PLIN5: variants seen among roughly 807,000 people sequenced by gnomAD.
The protein encoded by PLIN5 is perilipin-5.
PLIN5 carries 34 observed loss-of-function variants against 32.8 expected under a neutral mutation model. The observed-to-expected ratio is 1.04, with a 90% CI of 0.79 to 1.38. The LOEUF is 1.38. PLIN5 is among the 40% of genes most tolerant of loss of function. PLIN5 has a pLI of 0.00. For synonymous variants in PLIN5, 309 were observed against 292.9 expected, an observed-to-expected ratio of 1.05 and a Z score of -0.56; for missense variants, 712 against 660.5, an observed-to-expected ratio of 1.08 and a Z score of -0.85.
At chr19:4,527,752 G>A (rs79439596) in intron 5 of PLIN5, among the ~76,000 whole-genome samples, 37 of 151,360 alleles carry the variant, frequency 2.4e-4, no homozygotes, top group African/African-American at 7.8e-4. Flanking sequence ...GGCTGAGGCC[G>A]GAGAATCGCT....
intron 2 of PLIN5, among the ~76,000 whole-genome samples, chr19:4,532,111 C>T (rs1279857357): frequency 6.6e-6 from 1 of 152,196 alleles, no homozygotes; most frequent in Non-Finnish European, 1.5e-5. Flanking sequence ...CATCTCGGCT[C>T]ACGGCAACCT....
intron 2 of PLIN5, chr19:4,533,765 G>A: frequency 1.7e-6 from 1 of 572,076 alleles, no homozygotes; most frequent in Non-Finnish European, 3.1e-6. Context: ...AGGGATCAAA[G>A]GAGAGGGAAA....
At chr19:4,528,215 C>T (rs2145325794) in intron 5 of PLIN5, among the ~76,000 whole-genome samples, 1 of 152,182 alleles carries the variant, frequency 6.6e-6, no homozygotes, top group Middle Eastern at 3.4e-3. Flanking sequence ...GGCCGCCTCC[C>T]TGCTTTTCTG....
At chr19:4,529,551 T>G in intron 4 of PLIN5, 2 of 510,170 alleles carry the variant, frequency 3.9e-6, no homozygotes, top group South Asian at 6.3e-5. Flanking sequence ...TACGTATATA[T>G]ACATATATAC....
chr19:4,523,962 GCA>G lies in PLIN5; in HGVS notation c.956_957del (p.Val319AlafsTer13), dbSNP rs1568242791. On this transcript the variant is annotated frameshift_variant, in exon 8 of 8. Coordinates refer to ENST00000381848, the MANE Select transcript of PLIN5 (RefSeq NM_001013706.3). LOFTEE classifies it low-confidence loss of function (END_TRUNC). This position sits in a 1 kb window ranked among gnomAD's most constrained non-coding sequence, Gnocchi z 5.0. ...PAGAQEKVAEVRRSVDALQTA... is the reference protein window; with the variant it reads ...PAGAQEKVAEXRRSVDALQTA... ...GTCTGCAGGGCATCCACACTGCGCC[GCA>G]CCTCAGCCACCTTCTCCTGGGCGCC... is the stretch of plus-strand genomic sequence containing the variant. 6.5e-7 allele frequency: 1 copy of G among 1,527,884 alleles called. No homozygotes were observed. Among genetic ancestry groups the G allele is most frequent in the South Asian group, 1.2e-5 (1 of 82,658 alleles). 94.6% of individuals were successfully genotyped at this position (1,527,884 alleles called of 1,614,324 possible). A position where few individuals can be genotyped will look rare whatever the true frequency, so the allele number is the denominator to read the frequency against.
Position 4,531,801 on chromosome 19 carries a change from C to G in PLIN5, c.82G>C (p.Ala28Pro). Residue 28 changes from alanine to proline, a missense_variant, in exon 3 of 8, where the codon GCT becomes CCT. By Grantham distance (27) the Ala-to-Pro change is conservative. Coordinates refer to ENST00000381848, the MANE Select transcript of PLIN5 (RefSeq NM_001013706.3). The part of the protein sequence containing the change: ...DQQNVVQRVV[A>P]LPLVRATCTA... The stretch of plus-strand genomic sequence containing the variant: ...CACGTGGCCCTGACCAGGGGCAGAG[C>G]CACCACACGCTGCACCACGTTCTGC... The G allele has an allele frequency of 1.3e-6, 2 of 1,573,900 alleles. No homozygotes were observed. Among genetic ancestry groups the G allele is most frequent in the Non-Finnish European group, 1.7e-6 (2 of 1,160,186 alleles).
Position 4,529,139 on chromosome 19 carries a change from C to G in PLIN5, c.454G>C (p.Asp152His). The G allele has an allele frequency of 6.2e-7, 1 of 1,613,494 alleles. No homozygotes were observed. Among genetic ancestry groups the G allele is most frequent in the Non-Finnish European group, 8.5e-7 (1 of 1,179,996 alleles). Residue 152 changes from aspartate to histidine, a missense_variant, in exon 5 of 8, where the codon GAT (aspartate) becomes CAT (histidine). Asp to His is a moderately conservative substitution (Grantham distance 81, BLOSUM62 -1). Transcript: ENST00000381848. ...TCCTCTGATTTTTCCAGTACAACATCCACAGCATGGCTCACGGAGCGCTTC... is the reference window on the plus strand; with the variant it reads ...TCCTCTGATTTTTCCAGTACAACATGCACAGCATGGCTCACGGAGCGCTTC... ...ELKRSVSHAV[D>H]VVLEKSEELV...
chr19:4,527,788 T>C (rs1179084514), intron 5 of PLIN5, among the ~76,000 whole-genome samples: 1 of 151,338 alleles, frequency 6.6e-6, no homozygotes, highest in African/African-American at 2.4e-5. Flanking sequence ...GAGGCTGTAG[T>C]GAGCTGAGAT....
Position 4,526,194 on chromosome 19 carries a change from C to T in PLIN5, c.521-362G>A, listed in dbSNP as rs73920837. ...TCCAAGAAGCAGACCCAGATTGGAA[C>T]CCAGGCACGTTGGTCCCAAACTGCT... On this transcript the variant is annotated intron_variant, in intron 5 of 7. Coordinates refer to ENST00000381848, the MANE Select transcript of PLIN5 (RefSeq NM_001013706.3). 7.2e-3 allele frequency among the ~76,000 whole-genome samples: 1,093 copies of T among 152,192 alleles called. 10 individuals are homozygous for T. Among genetic ancestry groups the T allele is most frequent in the African/African-American group, 0.024 (979 of 41,528 alleles).
At chr19:4,534,915 G>T (rs776003673) in intron 1 of PLIN5, among the ~76,000 whole-genome samples, 9 of 152,308 alleles carry the variant, frequency 5.9e-5, no homozygotes, top group East Asian at 1.9e-4. Context: ...AGAGTTACAG[G>T]GGGGGAGCTC....
intron 5 of PLIN5, 155 bp downstream of exon 5, chr19:4,528,918 G>A (rs1976841818): frequency 1.3e-6 from 1 of 772,106 alleles, no homozygotes; most frequent in South Asian, 2.1e-5. Context: ...GGCCGTGGAA[G>A]TGACCGGGAG....
chr19:4,531,644 T>C lies in PLIN5; in HGVS notation c.239A>G (p.Glu80Gly). ...GCACTCACGCTGGGGCTGCAGGTGC[T>C]CGAGCAGCGGCTGGGCGTGGTCCAG... ...RALDHAQPLL[E>G]HLQPQLATMN... The change falls in exon 3 of 8, where the codon GAG becomes GGG. Residue 80 changes from glutamate (E) to glycine (G), a missense_variant. Glu to Gly is a moderately conservative substitution (Grantham distance 98). Coordinates refer to ENST00000381848, the MANE Select transcript of PLIN5 (RefSeq NM_001013706.3). 6.6e-7 allele frequency: 1 copy of C among 1,526,432 alleles called. No individual in the cohort carries two copies. Among genetic ancestry groups the C allele is most frequent in the Non-Finnish European group, 8.8e-7 (1 of 1,138,812 alleles). The allele number at this position is 1,526,432 out of a possible 1,614,324, so 94.6% of individuals were successfully genotyped here. A position where few individuals can be genotyped will look rare whatever the true frequency, so the allele number is the denominator to read the frequency against.
rs1176219746 is a variant in PLIN5, at chr19:4,527,538, CAAAAAAAAAA to C, written c.520+1525_520+1534del. 1.0e-4 allele frequency among the ~76,000 whole-genome samples: 3 copies of C among 29,682 alleles called. No homozygotes were observed. In the Admixed American group the frequency reaches 1.5e-3, roughly 14 times the overall value. The allele number at this position is 29,682 out of a possible 152,430, so 19.5% of individuals were successfully genotyped here. On this transcript the variant is annotated intron_variant, in intron 5 of 7. Coordinates refer to ENST00000381848, the MANE Select transcript of PLIN5 (RefSeq NM_001013706.3). ...TGGGCGACAGAGTGAGACTCCACTT[CAAAAAAAAAA>C]AAAAAAAAAAAAAAAAAACAACAAT...
At position 4,531,562 on chromosome 19, in the gene PLIN5, T is replaced by C. The variant is rs1406380518; in HGVS notation, c.256+65A>G. The C allele has an allele frequency of 2.2e-6, 3 of 1,365,704 alleles. No homozygotes were observed. In the African/African-American group the frequency reaches 5.4e-5, roughly 25 times the overall value. The allele number at this position is 1,365,704 out of a possible 1,614,324, so 84.6% of individuals were successfully genotyped here. A position where few individuals can be genotyped will look rare whatever the true frequency, so the allele number is the denominator to read the frequency against. On this transcript the variant is annotated intron_variant, in intron 3 of 7. Coordinates refer to ENST00000381848, the MANE Select transcript of PLIN5 (RefSeq NM_001013706.3). ...TGTCATGCAGATAGACCAAGGAGGA[T>C]GGGACAGGGGGCGGTGGGGGGGTGG...
In PLIN5 at chr19:4,529,153, A is replaced by G; in HGVS notation, c.440T>C (p.Val147Ala). ...CAGTACAACATCCACAGCATGGCTCACGGAGCGCTTCAGCTCCACGCTCCA... is the reference window on the plus strand; with the variant it reads ...CAGTACAACATCCACAGCATGGCTCGCGGAGCGCTTCAGCTCCACGCTCCA... ...RRWSVELKRS[V>A]SHAVDVVLEK... The change falls in exon 5 of 8, where the codon GTG (valine) becomes GCG (alanine). Residue 147 changes from valine (V) to alanine (A), a missense_variant. Transcript: ENST00000381848. The G allele has an allele frequency of 6.2e-7, 1 of 1,612,542 alleles. No homozygotes were observed. Among genetic ancestry groups the G allele is most frequent in the Non-Finnish European group, 8.5e-7 (1 of 1,179,274 alleles).
At chr19:4,530,424 A>G (rs1976869578) in intron 3 of PLIN5, among the ~76,000 whole-genome samples, 1 of 152,168 alleles carries the variant, frequency 6.6e-6, no homozygotes, top group Non-Finnish European at 1.5e-5. Context: ...GTCAGACTAG[A>G]GGCCAAGGAT....
chr19:4,524,126 A>G (rs758121487), intron 7 of PLIN5, 41 bp from the exon 8 acceptor site: 650 of 1,388,242 alleles, frequency 4.7e-4, no homozygotes, highest in Non-Finnish European at 5.7e-4. Flanking sequence ...ATGGACGCCC[A>G]GGAGGACTGC....
Position 4,523,570 on chromosome 19 carries a change from G to GCTGGGGGT in PLIN5, c.1342_1349dup (p.Ser450ArgfsTer11), listed in dbSNP as rs1371937093. 6.3e-7 allele frequency: 1 copy of GCTGGGGGT among 1,597,812 alleles called. No homozygotes were observed. On this transcript the variant is annotated frameshift_variant, in exon 8 of 8. Coordinates refer to ENST00000381848, the MANE Select transcript of PLIN5 (RefSeq NM_001013706.3). LOFTEE classifies it high-confidence loss of function. This position sits in a 1 kb window ranked among gnomAD's most constrained non-coding sequence, Gnocchi z 5.0. ...GCATCAGGGTGTGCTTGACCGGGCA[G>GCTGGGGGT]CTGGGGGTCTCGGGTTCCTGCTCGC...
rs1471138797 is a variant in PLIN5, at chr19:4,523,922, G to A, written c.998C>T (p.Ala333Val). The A allele has an allele frequency of 6.5e-7, 1 of 1,528,816 alleles. No individual in the cohort carries two copies. The highest frequency in any genetic ancestry group is 8.7e-7 in the Non-Finnish European group (1 of 1,146,612). The allele number at this position is 1,528,816 out of a possible 1,614,324, so 94.7% of individuals were successfully genotyped here. A position where few individuals can be genotyped will look rare whatever the true frequency, so the allele number is the denominator to read the frequency against. The change falls in exon 8 of 8, where the codon GCC becomes GTC. Residue 333 changes from alanine to valine, a missense_variant. Physicochemically the swap from Ala to Val is moderately conservative, Grantham distance 64. Coordinates refer to ENST00000381848, the MANE Select transcript of PLIN5 (RefSeq NM_001013706.3). The surrounding 1 kb of genome is among the most constrained non-coding windows in gnomAD (Gnocchi z 5.0). ...CGCTGGCACGTCCCTGAAGCAGCGG[G>A]CATCAGCGAAGGCGGTCTGCAGGGC... ...VDALQTAFAD[A>V]RCFRDVPAAA...
Sources: allele counts gnomAD v4.1 joint callset (sites outside exome capture counted in the v4.1 genomes callset), GRCh38; gene constraint gnomAD v4.1.1; non-coding constraint Gnocchi (gnomAD v3.1); transcripts MANE v1.5; gene names NCBI Gene and HGNC (gene_info 2026-07-23, HGNC 2026-07-21).